DNAH17: variants seen among roughly 807,000 people sequenced by gnomAD.
DNAH17 encodes dynein axonemal heavy chain 17, also known as axonemal beta dynein heavy chain 17.
DNAH17 carries 376 observed loss-of-function variants against 485.6 expected under a neutral mutation model. That is an observed-to-expected ratio of 0.77 (90% CI 0.71 to 0.84). The LOEUF is 0.84. Ranked by LOEUF, DNAH17 falls within the 40% of genes least tolerant of loss-of-function variation. The pLI, the probability that DNAH17 is intolerant of heterozygous loss-of-function variation, is 0.00. For missense variants in DNAH17, 6,370 were observed against 5,839.3 expected, an observed-to-expected ratio of 1.09 and a Z score of -2.96; for synonymous variants, 3,031 against 2,405.9, an observed-to-expected ratio of 1.26 and a Z score of -7.60.
intron 13 of DNAH17, 112 bp downstream of exon 13, chr17:78,560,628 G>A (rs2092132478): frequency 3.3e-6 from 4 of 1,194,564 alleles, no homozygotes; most frequent in Non-Finnish European, 4.6e-6. Flanking sequence ...AAAGCTTTAG[G>A]CGAACTGTGA....
intron 25 of DNAH17, among the ~76,000 whole-genome samples, chr17:78,519,669 T>A (rs1176029071): frequency 6.6e-6 from 1 of 152,250 alleles, no homozygotes; most frequent in Non-Finnish European, 1.5e-5. Context: ...TTATGCTTGC[T>A]TGAATTAAAC....
chr17:78,478,805 CCAT>C (rs2089221039), intron 51 of DNAH17: 4 of 531,092 alleles, frequency 7.5e-6, no homozygotes, highest in South Asian at 5.2e-5. Context: ...ATCACTACCA[CCAT>C]CATCACATCA....
Position 78,453,381 on chromosome 17 carries a change from C to CA in DNAH17, c.10490dup (p.Asp3498GlyfsTer10), listed in dbSNP as rs1238342866. 1 of 1,613,788 alleles carries CA rather than the reference C, an allele frequency of 6.2e-7. No individual in the cohort carries two copies. The highest frequency in any genetic ancestry group is 8.5e-7 in the Non-Finnish European group (1 of 1,179,792). The stretch of plus-strand genomic sequence containing the variant: ...TCGTGTTCCTGCCCAGTAGAGGGTC[C>CA]AGCACGGGGTCCACGGTTTCGCCGA... On this transcript the variant is annotated frameshift_variant, in exon 65 of 81. Transcript: ENST00000389840. LOFTEE classifies it high-confidence loss of function.
intron 54 of DNAH17, among the ~76,000 whole-genome samples, chr17:78,473,418 C>T (rs566862893): frequency 6.6e-6 from 1 of 152,004 alleles, no homozygotes; most frequent in South Asian, 2.1e-4. Context: ...GTGGCGGGCG[C>T]GTGTAGTCCC....
In DNAH17 at chr17:78,574,674, C is replaced by T. The variant is rs372516100; in HGVS notation, c.345+39G>A. The T allele has an allele frequency of 1.2e-5, 18 of 1,541,696 alleles. No homozygotes were observed. In the East Asian group the frequency reaches 2.5e-4, roughly 21 times the overall value. ...TCAAGGCCGCTCCCGAGAAGTCGGTCGTGCTCGACACCCCGGATGGCAGCC... is the reference window on the plus strand; with the variant it reads ...TCAAGGCCGCTCCCGAGAAGTCGGTTGTGCTCGACACCCCGGATGGCAGCC... On this transcript the variant is annotated intron_variant, in intron 2 of 80. Coordinates refer to ENST00000389840, the MANE Select transcript of DNAH17 (RefSeq NM_173628.4).
At position 78,514,867 on chromosome 17, in the gene DNAH17, CA is replaced by C; in HGVS notation, c.4019del (p.Val1340GlyfsTer4). On this transcript the variant is annotated frameshift_variant, in exon 26 of 81. Transcript: ENST00000389840. LOFTEE classifies it high-confidence loss of function. Reference sequence around the variant, plus strand: ...CACGCAGGGACGTGATCACGTTTTTCACGGTGTTGTCGAGCCCCACGAAGGC... The same window carrying C: ...CACGCAGGGACGTGATCACGTTTTTCCGGTGTTGTCGAGCCCCACGAAGGC... ...WDAFVGLDNT[V>X]KNVITSLRAV... 1 of 1,614,048 alleles carries C rather than the reference CA, an allele frequency of 6.2e-7. No homozygotes were observed. Among genetic ancestry groups the C allele is most frequent in the Non-Finnish European group, 8.5e-7 (1 of 1,179,902 alleles).
intron 79 of DNAH17, 39 bp downstream of exon 79, chr17:78,426,418 C>T: frequency 6.5e-7 from 1 of 1,549,458 alleles, no homozygotes; most frequent in African/African-American, 1.4e-5. Flanking sequence ...CACTCGGTCC[C>T]CGAGTCTTAG....
rs909806884 is a variant in DNAH17, at chr17:78,439,119, C to A, written c.11776G>T (p.Ala3926Ser). The A allele has an allele frequency of 6.2e-7, 1 of 1,613,538 alleles. No homozygotes were observed. The highest frequency in any genetic ancestry group is 8.5e-7 in the Non-Finnish European group (1 of 1,179,786). Reference protein sequence around the residue: ...VVAENALDVAAEKGHWVILQN... With the variant: ...VVAENALDVASEKGHWVILQN... ...AGAATGACCCAGTGTCCTTTCTCTG[C>A]AGCCACGTCCAGGGCGTTCTCAGCC... The change falls in exon 73 of 81, where the codon GCA becomes TCA. Residue 3926 changes from alanine (A) to serine (S), a missense_variant. Ala to Ser is a moderately conservative substitution (Grantham distance 99). Coordinates refer to ENST00000389840, the MANE Select transcript of DNAH17 (RefSeq NM_173628.4).
At chr17:78,530,638 C>T (rs1468348588) in intron 20 of DNAH17, 126 bp from the exon 21 acceptor site, 3 of 1,166,744 alleles carry the variant, frequency 2.6e-6, no homozygotes, top group Non-Finnish European at 3.6e-6. Flanking sequence ...CACTCTGGGG[C>T]CAGGGTCAGC....
At chr17:78,511,884 G>A (rs11657650) in intron 26 of DNAH17, among the ~76,000 whole-genome samples, 17,170 of 152,262 alleles carry the variant, frequency 0.11, 1,256 homozygotes, top group Middle Eastern at 0.17. Context: ...CTGTTACCAG[G>A]CATCCGGGAA....
At chr17:78,512,175 G>C (rs1287593077) in intron 26 of DNAH17, among the ~76,000 whole-genome samples, 2 of 152,260 alleles carry the variant, frequency 1.3e-5, no homozygotes, top group Non-Finnish European at 2.9e-5. Flanking sequence ...TTCCTGCATA[G>C]GTACGGATCT....
At chr17:78,433,272 G>A (rs938168774) in intron 75 of DNAH17, among the ~76,000 whole-genome samples, 5 of 152,206 alleles carry the variant, frequency 3.3e-5, no homozygotes, top group South Asian at 2.1e-4. Flanking sequence ...TGGTTGGGGT[G>A]GCCAAGCCTT....
intron 48 of DNAH17, 62 bp from the exon 49 acceptor site, chr17:78,480,848 C>A (rs201335401): frequency 3.4e-6 from 4 of 1,172,880 alleles, no homozygotes; most frequent in Admixed American, 2.0e-5. Context: ...CCCCTGCCCC[C>A]ACTGTGCTCC....
chr17:78,445,548 A>G lies in DNAH17; in HGVS notation c.11334+10T>C, dbSNP rs906395133. On this transcript the variant is annotated intron_variant, in intron 70 of 80. Transcript: ENST00000389840. Reference sequence around the variant, plus strand: ...AGAAAGCACAACGTGTTCAACGTCTAAAGACGAACCTTGATCCCGCCCCAG... The same window carrying G: ...AGAAAGCACAACGTGTTCAACGTCTGAAGACGAACCTTGATCCCGCCCCAG... The G allele has an allele frequency of 2.6e-6, 4 of 1,560,566 alleles. No individual in the cohort carries two copies. The highest frequency in any genetic ancestry group is 2.4e-5 in the South Asian group (2 of 84,724).
intron 31 of DNAH17, among the ~76,000 whole-genome samples, chr17:78,503,475 A>G (rs2090377023): frequency 1.3e-5 from 2 of 150,630 alleles, no homozygotes; most frequent in Admixed American, 6.6e-5. Context: ...ATGAGCCACC[A>G]CGCTCGGCCA....
chr17:78,483,771 G>A (rs1429026045), intron 48 of DNAH17, among the ~76,000 whole-genome samples: 1 of 152,122 alleles, frequency 6.6e-6, no homozygotes, highest in Admixed American at 6.5e-5. Context: ...TAGTTTCTAG[G>A]CTCTTTTGGC....
intron 56 of DNAH17, among the ~76,000 whole-genome samples, chr17:78,463,338 GCA>G (rs1455509757): frequency 1.3e-5 from 2 of 152,194 alleles, no homozygotes; most frequent in Non-Finnish European, 2.9e-5. Context: ...ACGCATACAT[GCA>G]CACACATGCA....
Position 78,459,146 on chromosome 17 carries a change from G to T in DNAH17, c.9716C>A (p.Ala3239Asp), listed in dbSNP as rs1396854332. Reference protein sequence around the residue: ...EFIRSKSTAAAGLCSWCINIV... With the variant: ...EFIRSKSTAADGLCSWCINIV... ...GTTGATGCACCAGGAGCACAGGCCG[G>T]CGGCGGCCGTGGACTTGGAGCGGAT... Residue 3239 changes from alanine to aspartate, a missense_variant, in exon 61 of 81, where the codon GCC becomes GAC. By Grantham distance (126) the Ala-to-Asp change is moderately radical. Coordinates refer to ENST00000389840, the MANE Select transcript of DNAH17 (RefSeq NM_173628.4). 1 of 1,613,944 alleles carries T rather than the reference G, an allele frequency of 6.2e-7. No individual in the cohort carries two copies.
chr17:78,543,276 G>A lies in DNAH17; in HGVS notation c.2532+581C>T, dbSNP rs575684708. ...ATTACAGGCATGTGCCAACGTGCCCGGTTAATTTTTGTTTTTTTTTTTTTT... is the reference window on the plus strand; with the variant it reads ...ATTACAGGCATGTGCCAACGTGCCCAGTTAATTTTTGTTTTTTTTTTTTTT... On this transcript the variant is annotated intron_variant, in intron 17 of 80. Coordinates refer to ENST00000389840, the MANE Select transcript of DNAH17 (RefSeq NM_173628.4). 8.3e-5 allele frequency among the ~76,000 whole-genome samples: 11 copies of A among 132,534 alleles called. No homozygotes were observed. The East Asian group carries it at 1.3e-3, about 16-fold the overall frequency. The allele number at this position is 132,534 out of a possible 152,430, so 86.9% of individuals were successfully genotyped here.
Sources: gnomAD v4.1 joint callset for allele counts (sites outside exome capture counted in the v4.1 genomes callset) on GRCh38, gnomAD v4.1.1 for gene constraint, MANE v1.5 for transcripts, NCBI Gene and HGNC (gene_info 2026-07-23, HGNC 2026-07-21) for gene names.